The following RBM47 variants were observed in gnomAD, a reference collection of about 807,000 sequenced individuals.
RBM47 encodes RNA-binding protein 47.
RBM47 carries 21 observed loss-of-function variants against 47.1 expected under a neutral mutation model. The ratio of observed to expected loss-of-function variants is 0.45; its 90% CI spans 0.32 to 0.64. RBM47 has a LOEUF of 0.64. Among genes scored for constraint, RBM47 ranks in the 30% least tolerant of loss-of-function variants. The pLI is 0.05. For synonymous variants in RBM47, 375 were observed against 361.7 expected, an observed-to-expected ratio of 1.04 and a Z score of -0.42; for missense variants, 708 against 870.9, an observed-to-expected ratio of 0.81 and a Z score of 2.35.
chr4:40,522,407 A>C (rs1027969488), intron 2 of RBM47, among the ~76,000 whole-genome samples: 6 of 152,158 alleles, frequency 3.9e-5, no homozygotes, highest in African/African-American at 1.4e-4. Flanking sequence ...CGGGAGGCTG[A>C]GGCAGGAGAA....
At chr4:40,606,842 A>G (rs1000519658) in intron 1 of RBM47, among the ~76,000 whole-genome samples, 1 of 152,042 alleles carries the variant, frequency 6.6e-6, no homozygotes, top group Non-Finnish European at 1.5e-5. Context: ...CCTCTCTACT[A>G]AAAACAAAAA....
Position 40,438,792 on chromosome 4 carries a change from T to G in RBM47, c.102A>C (p.Ala34=). The change falls in exon 4 of 7, where the codon GCA becomes GCC. Residue 34 remains alanine (A), a synonymous_variant. Transcript: ENST00000295971. ...CCGTGCGCTCCATCAGCGCCAGCAG[T>G]GCTGCCTCGTTGGGCGCGCCCGCCA... is the stretch of plus-strand genomic sequence containing the variant. The part of the protein sequence containing the change: ...EGVAGAPNEA[A]LLALMERTGY... 1 of 1,552,998 alleles carries G rather than the reference T, an allele frequency of 6.4e-7. No homozygotes were observed. Among genetic ancestry groups the G allele is most frequent in the East Asian group, 2.4e-5 (1 of 41,986 alleles).
At chr4:40,465,637 C>G (rs1315881134) in intron 3 of RBM47, among the ~76,000 whole-genome samples, 1 of 151,962 alleles carries the variant, frequency 6.6e-6, no homozygotes, top group African/African-American at 2.4e-5. Context: ...CGAGATCGTG[C>G]CACTGCACTC....
chr4:40,529,562 G>A (rs948239242), intron 2 of RBM47, among the ~76,000 whole-genome samples: 14 of 140,808 alleles, frequency 9.9e-5, no homozygotes, highest in Non-Finnish European at 1.7e-4. Context: ...GGCGGGGCAT[G>A]GTGGCTCACA....
At chr4:40,547,420 T>C (rs1009215282) in intron 1 of RBM47, among the ~76,000 whole-genome samples, 1 of 152,146 alleles carries the variant, frequency 6.6e-6, no homozygotes, top group African/African-American at 2.4e-5. Context: ...GAGGGCACAG[T>C]GAGTGGGCAG....
intron 2 of RBM47, among the ~76,000 whole-genome samples, chr4:40,477,148 A>C (rs967660874): frequency 6.6e-5 from 10 of 152,296 alleles, no homozygotes; most frequent in South Asian, 4.1e-4. Context: ...GCGCCACTGC[A>C]CTCCAGCCTG....
chr4:40,519,031 TA>T (rs148362957), intron 2 of RBM47, among the ~76,000 whole-genome samples: 21,399 of 142,522 alleles, frequency 0.15, 1,614 homozygotes, highest in East Asian at 0.23. Context: ...CTTGTTTCTA[TA>T]AAAAAAAAAA....
intron 2 of RBM47, among the ~76,000 whole-genome samples, chr4:40,520,108 CT>C (rs1301338784): frequency 6.6e-6 from 1 of 152,034 alleles, no homozygotes; most frequent in Non-Finnish European, 1.5e-5. Flanking sequence ...TTGGGTAAGC[CT>C]TTTATGTTCT....
chr4:40,547,321 C>T (rs550683337), intron 1 of RBM47, among the ~76,000 whole-genome samples: 6 of 152,192 alleles, frequency 3.9e-5, no homozygotes, highest in Admixed American at 2.0e-4. Context: ...AATGAGGTCA[C>T]GGGGATGGGC....
At chr4:40,434,530 G>A (rs3755891) in intron 5 of RBM47, among the ~76,000 whole-genome samples, 126,365 of 151,990 alleles carry the variant, frequency 0.83, 52,793 homozygotes, top group Middle Eastern at 0.88. Flanking sequence ...ACTTGCCAAA[G>A]GGAGTTCCCT....
chr4:40,559,012 A>G (rs1357220140), intron 1 of RBM47, among the ~76,000 whole-genome samples: 4 of 152,068 alleles, frequency 2.6e-5, no homozygotes, highest in Non-Finnish European at 1.5e-5. Context: ...AATGTGTACT[A>G]AGCCCCTCCT....
chr4:40,606,000 C>T (rs1489051417), intron 1 of RBM47, among the ~76,000 whole-genome samples: 1 of 151,230 alleles, frequency 6.6e-6, no homozygotes, highest in Non-Finnish European at 1.5e-5. Context: ...GAATTCGAGA[C>T]CAGCCTGGCC....
intron 3 of RBM47, among the ~76,000 whole-genome samples, chr4:40,458,444 A>G (rs908326866): frequency 1.3e-5 from 2 of 152,222 alleles, no homozygotes; most frequent in African/African-American, 4.8e-5. Flanking sequence ...ATTATAGTAG[A>G]ATAGCATTCG....
intron 3 of RBM47, among the ~76,000 whole-genome samples, chr4:40,465,682 A>C (rs1717902731): frequency 6.6e-6 from 1 of 151,372 alleles, no homozygotes; most frequent in Non-Finnish European, 1.5e-5. Context: ...CCATCTCCAA[A>C]AAAAAAAAAA....
At chr4:40,516,346 C>T (rs1446452160) in intron 2 of RBM47, among the ~76,000 whole-genome samples, 4 of 151,266 alleles carry the variant, frequency 2.6e-5, no homozygotes, top group African/African-American at 7.3e-5. Context: ...CTGCAACCTC[C>T]GCTCCCAAGT....
At chr4:40,499,234 A>G (rs571741947) in intron 2 of RBM47, among the ~76,000 whole-genome samples, 95 of 152,336 alleles carry the variant, frequency 6.2e-4, no homozygotes, top group African/African-American at 2.3e-3. Context: ...ACATACTTAC[A>G]TGAAGACTGC....
chr4:40,517,531 TAA>T (rs1044867914), intron 2 of RBM47, among the ~76,000 whole-genome samples: 1 of 151,980 alleles, frequency 6.6e-6, no homozygotes, highest in Non-Finnish European at 1.5e-5. Context: ...TAAATTTTGA[TAA>T]AAAAAAGTTT....
intron 1 of RBM47, among the ~76,000 whole-genome samples, chr4:40,554,449 G>A (rs964864785): frequency 2.7e-5 from 4 of 149,784 alleles, no homozygotes; most frequent in African/African-American, 7.4e-5. Flanking sequence ...GGCTGGCCAC[G>A]GTGTCACAAA....
At chr4:40,545,015 C>T (rs1324007428) in intron 1 of RBM47, among the ~76,000 whole-genome samples, 3 of 148,398 alleles carry the variant, frequency 2.0e-5, no homozygotes, top group Admixed American at 6.8e-5. Context: ...GAGCTATGAT[C>T]GTGCACTCCA....
Sources: gnomAD v4.1 joint callset for allele counts (sites outside exome capture counted in the v4.1 genomes callset) on GRCh38, gnomAD v4.1.1 for gene constraint, MANE v1.5 for transcripts, NCBI Gene and HGNC (gene_info 2026-07-23, HGNC 2026-07-21) for gene names.